The following CAPN6 variants were observed in gnomAD, a reference collection of about 807,000 sequenced individuals.
CAPN6 encodes calpain-6.
CAPN6 carries 16 observed loss-of-function variants against 46.0 expected under a neutral mutation model. The observed-to-expected ratio is 0.35, with a 90% CI of 0.24 to 0.53. CAPN6 has a LOEUF of 0.53. CAPN6 is among the 20% of genes least tolerant of loss of function. CAPN6 has a pLI of 0.94. For missense variants in CAPN6, 461 were observed against 498.0 expected, an observed-to-expected ratio of 0.93 and a Z score of 0.71; for synonymous variants, 206 against 172.8, an observed-to-expected ratio of 1.19 and a Z score of -1.51.
rs1474210790 is a variant in CAPN6 at position 111,251,758 on chromosome X, G to C, written c.700-16C>G. 1 of 1,172,962 alleles carries C rather than the reference G, an allele frequency of 8.5e-7. No individual in the cohort carries two copies. The highest frequency in any genetic ancestry group is 1.2e-6 in the Non-Finnish European group (1 of 864,857). On this transcript the variant is annotated splice_polypyrimidine_tract_variant and intron_variant, in intron 5 of 12. Coordinates refer to ENST00000324068, the MANE Select transcript of CAPN6 (RefSeq NM_014289.4). ...GATTGGGAGACTGAGAGCAAAGAAA[G>C]ATATATAAAGGCACAGGAATTGGGA...
At position 111,270,134 on chromosome X, in the gene CAPN6, G is replaced by A. The variant is rs17885638; in HGVS notation, c.-16+237C>T. 2.2e-3 allele frequency among the ~76,000 whole-genome samples: 247 copies of A among 111,565 alleles called. 1 individual carries two copies. The highest frequency in any genetic ancestry group is 3.9e-3 in the Non-Finnish European group (209 of 53,092). On this transcript the variant is annotated intron_variant, in intron 1 of 12. Transcript: ENST00000324068. ...CAGATATCCCCAGAAAAGTTTCATTGCCAGACAACCACAATCATCACCCCA... is the reference window on the plus strand; with the variant it reads ...CAGATATCCCCAGAAAAGTTTCATTACCAGACAACCACAATCATCACCCCA...
At chrX:111,264,209 G>A (rs1198879538) in intron 1 of CAPN6, among the ~76,000 whole-genome samples, 2 of 111,816 alleles carry the variant, frequency 1.8e-5, no homozygotes, top group African/African-American at 3.2e-5. Flanking sequence ...GGCAATATGG[G>A]CCTTAATCTT....
At chrX:111,247,778 C>A (rs981931097) in intron 11 of CAPN6, 93 bp downstream of exon 11, 50 of 1,059,680 alleles carry the variant, frequency 4.7e-5, no homozygotes, top group Non-Finnish European at 6.2e-5. Context: ...GACAAAATAT[C>A]GCTGGAGAAA....
intron 10 of CAPN6, 95 bp from the exon 11 acceptor site, chrX:111,248,087 G>A (rs1041159118): frequency 6.0e-6 from 5 of 838,716 alleles, no homozygotes; most frequent in Non-Finnish European, 8.8e-6. Context: ...AAAAGCATGA[G>A]ACATTGTGTG....
intron 1 of CAPN6, among the ~76,000 whole-genome samples, chrX:111,268,248 G>A (rs989346094): frequency 2.7e-5 from 3 of 111,854 alleles, no homozygotes; most frequent in African/African-American, 9.8e-5. Flanking sequence ...TTTTAATTCG[G>A]TTGCTCAATA....
At chrX:111,251,796 A>G in intron 5 of CAPN6, 54 bp from the exon 6 acceptor site, 1 of 992,806 alleles carries the variant, frequency 1.0e-6, no homozygotes, top group Non-Finnish European at 1.4e-6. Context: ...CCCAATCCTG[A>G]CTCCTCTTCT....
At chrX:111,251,845 C>T in intron 5 of CAPN6, 103 bp from the exon 6 acceptor site, 5 of 653,164 alleles carry the variant, frequency 7.7e-6, no homozygotes, top group Non-Finnish European at 1.2e-5. Flanking sequence ...GAAGCTAGTT[C>T]TCACACAGAT....
chrX:111,270,469 C>G lies in CAPN6; in HGVS notation c.-114G>C. ...TTAGCCAGGTAACCCCACTAAAAGT[C>G]TGTTCAGTCAGTGTGGCTGAACAAA... is the stretch of plus-strand genomic sequence containing the variant. On this transcript the variant is annotated 5_prime_UTR_variant, in exon 1 of 13. Coordinates refer to ENST00000324068, the MANE Select transcript of CAPN6 (RefSeq NM_014289.4). 3.0e-6 allele frequency: 1 copy of G among 328,471 alleles called. No individual in the cohort carries two copies. The highest frequency in any genetic ancestry group is 5.9e-6 in the Non-Finnish European group (1 of 169,489). The allele number at this position is 328,471 out of a possible 1,213,427, so 27.1% of individuals were successfully genotyped here. A position where few individuals can be genotyped will look rare whatever the true frequency, so the allele number is the denominator to read the frequency against.
chrX:111,247,319 T>A, intron 12 of CAPN6, 49 bp downstream of exon 12: 1 of 1,067,680 alleles, frequency 9.4e-7, no homozygotes, highest in Non-Finnish European at 1.3e-6. Context: ...TCATCTAGTA[T>A]CTGGTACAAA....
intron 2 of CAPN6, among the ~76,000 whole-genome samples, chrX:111,261,047 C>CG (rs2094987539): frequency 8.9e-6 from 1 of 111,971 alleles, no homozygotes; most frequent in African/African-American, 3.3e-5. Flanking sequence ...TGCTCTCAAA[C>CG]GGGAGAGTGT....
chrX:111,248,452 G>A (rs758159924), intron 10 of CAPN6, 117 bp downstream of exon 10: 2 of 551,137 alleles, frequency 3.6e-6, no homozygotes, highest in South Asian at 2.8e-5. Flanking sequence ...AGTGAATCAA[G>A]TCTGATTTAA....
intron 1 of CAPN6, among the ~76,000 whole-genome samples, chrX:111,265,259 C>G (rs17878551): frequency 8.9e-6 from 1 of 112,096 alleles, no homozygotes. Context: ...AAGAAGTTTC[C>G]CCATTTGAAA....
intron 2 of CAPN6, among the ~76,000 whole-genome samples, chrX:111,261,303 TTTTATATAAAGATATATAA>T (rs1240416944): frequency 8.9e-6 from 1 of 112,802 alleles, no homozygotes. Context: ...CACAGTTTCT[TTTTATATAAAGATATATAA>T]TGGGCATGTA....
rs368557380 is a variant in CAPN6, at chrX:111,246,782, T to C, written c.1744-23A>G. ...GACCTGGAAAGACAAACGAAGGGAG[T>C]GAAGATGAGCAGCCCTCAGTGAGAT... On this transcript the variant is annotated intron_variant, in intron 12 of 12. Transcript: ENST00000324068. The C allele has an allele frequency of 1.8e-5, 21 of 1,170,081 alleles. No individual in the cohort carries two copies. In the African/African-American group the frequency reaches 3.2e-4, roughly 18 times the overall value.
At chrX:111,248,523 G>A (rs775219220) in intron 10 of CAPN6, 46 bp downstream of exon 10, 2 of 1,010,608 alleles carry the variant, frequency 2.0e-6, no homozygotes, top group East Asian at 3.0e-5. Flanking sequence ...AGGATTGGAA[G>A]TAAAGCAAAG....
At chrX:111,266,798 G>A (rs369811660) in intron 1 of CAPN6, among the ~76,000 whole-genome samples, 4 of 112,541 alleles carry the variant, frequency 3.6e-5, no homozygotes, top group Non-Finnish European at 5.6e-5. Context: ...TGCCTTCTTA[G>A]AGAAAGGATT....
Position 111,245,598 on chromosome X carries a change from G to A in CAPN6, c.*979C>T, listed in dbSNP as rs1402206132. 1 of 112,479 alleles carries A rather than the reference G, an allele frequency of 8.9e-6. No individual in the cohort carries two copies. The highest frequency in any genetic ancestry group is 1.9e-5 in the Non-Finnish European group (1 of 53,267). The allele number at this position is 112,479 out of a possible 1,213,427, so 9.3% of individuals were successfully genotyped here. A position where few individuals can be genotyped will look rare whatever the true frequency, so the allele number is the denominator to read the frequency against. On this transcript the variant is annotated 3_prime_UTR_variant, in exon 13 of 13. Coordinates refer to ENST00000324068, the MANE Select transcript of CAPN6 (RefSeq NM_014289.4). ...TTAGGAGGCACAGGACAATGGGCTT[G>A]TTTGTAAACCTAGCAGCAGCGAGAG... is the stretch of plus-strand genomic sequence containing the variant.
intron 5 of CAPN6, 44 bp downstream of exon 5, chrX:111,252,263 T>G (rs376214065): frequency 2.9e-6 from 3 of 1,025,088 alleles, no homozygotes; most frequent in Non-Finnish European, 2.6e-6. Context: ...TAGTCTCTTC[T>G]GCCAGGAATG....
At chrX:111,259,028 G>A (rs920976624) in intron 2 of CAPN6, among the ~76,000 whole-genome samples, 8 of 111,792 alleles carry the variant, frequency 7.2e-5, no homozygotes, top group African/African-American at 2.6e-4. Flanking sequence ...GCTGCAGCAG[G>A]GGTGGGGGTA....
Sources: allele counts gnomAD v4.1 joint callset (sites outside exome capture counted in the v4.1 genomes callset), GRCh38; gene constraint gnomAD v4.1.1; transcripts MANE v1.5; gene names NCBI Gene and HGNC (gene_info 2026-07-23, HGNC 2026-07-21).